ETV1: variants seen among roughly 807,000 people sequenced by gnomAD.
ETV1 encodes the protein ETS variant transcription factor 1.
ETV1 carries 27 observed loss-of-function variants against 62.3 expected under a neutral mutation model. The ratio of observed to expected loss-of-function variants is 0.43; its 90% CI spans 0.32 to 0.60. The LOEUF (loss-of-function observed/expected upper bound fraction) is 0.60, where lower values mean the gene tolerates loss of function less well. ETV1 is among the 20% of genes least tolerant of loss of function. The probability of loss-of-function intolerance (pLI) is 0.06; values close to 1 mark genes in which losing one functional copy is unlikely to be tolerated. For missense variants in ETV1, 605 were observed against 605.8 expected (o/e 1.00, Z 0.01); for synonymous variants, 222 against 199.6 (o/e 1.11, Z -0.94).
intron 12 of ETV1, among the ~76,000 whole-genome samples, chr7:13,904,268 T>A (rs182974459): frequency 1.3e-5 from 2 of 152,350 alleles, no homozygotes; most frequent in Admixed American, 1.3e-4. Flanking sequence ...ACAATTCCCA[T>A]TGAGTTGGTT....
Position 13,896,921 on chromosome 7 carries a change from G to A in ETV1, c.1213-834C>T, listed in dbSNP as rs546850330. 2.6e-5 allele frequency among the ~76,000 whole-genome samples: 4 copies of A among 152,152 alleles called. No homozygotes were observed. The East Asian group carries it at 7.7e-4, about 29-fold the overall frequency. On this transcript the variant is annotated intron_variant, in intron 13 of 13. Coordinates refer to ENST00000430479, the MANE Select transcript of ETV1 (RefSeq NM_004956.5). ...TGTGTAAAGTGTCAAATTGAAGTAA[G>A]AGGTGTAAAAAAGTGAAAGGAATTT...
intron 5 of ETV1, among the ~76,000 whole-genome samples, chr7:13,984,699 A>G (rs1218857396): frequency 6.6e-6 from 1 of 151,972 alleles, no homozygotes; most frequent in Non-Finnish European, 1.5e-5. Flanking sequence ...TAATTCCTGA[A>G]CTTAATTGAA....
intron 9 of ETV1, among the ~76,000 whole-genome samples, chr7:13,919,148 T>C (rs1291834706): frequency 6.6e-6 from 1 of 152,176 alleles, no homozygotes; most frequent in African/African-American, 2.4e-5. Context: ...TTTATAAACA[T>C]AACCATATTT....
At chr7:13,912,837 A>G (rs938881920) in intron 9 of ETV1, among the ~76,000 whole-genome samples, 2 of 152,208 alleles carry the variant, frequency 1.3e-5, no homozygotes, top group Non-Finnish European at 2.9e-5. Context: ...TCCTTAAGTG[A>G]TATCAGTTAA....
intron 6 of ETV1, among the ~76,000 whole-genome samples, chr7:13,947,404 A>C (rs1293642896): frequency 6.6e-6 from 1 of 151,780 alleles, no homozygotes; most frequent in Non-Finnish European, 1.5e-5. Flanking sequence ...AAAAAAAAAA[A>C]AAAACAAACT....
chr7:13,898,201 G>C (rs1782040434), intron 13 of ETV1, among the ~76,000 whole-genome samples: 1 of 152,140 alleles, frequency 6.6e-6, no homozygotes, highest in South Asian at 2.1e-4. Context: ...GCAAAATGCT[G>C]TACATTAAGT....
rs1782750947 is a variant in ETV1, at chr7:13,988,497, C to T, written c.46-324G>A. On this transcript the variant is annotated intron_variant, in intron 3 of 13. Transcript: ENST00000430479. ...ACTTAAAGTTGTTTTTAGGCTGGTT[C>T]AATGCTAGATTAAAACAGTGGGTTT... 3.1e-5 allele frequency: 21 copies of T among 678,648 alleles called. 1 individual carries two copies. In the South Asian group the frequency reaches 4.5e-4, roughly 15 times the overall value. The allele number at this position is 678,648 out of a possible 1,614,324, so 42.0% of individuals were successfully genotyped here. A position where few individuals can be genotyped will look rare whatever the true frequency, so the allele number is the denominator to read the frequency against.
chr7:13,933,292 C>T (rs1583686366), intron 8 of ETV1, among the ~76,000 whole-genome samples: 1 of 152,160 alleles, frequency 6.6e-6, no homozygotes, highest in Non-Finnish European at 1.5e-5. Context: ...ATATCAAACA[C>T]GCATGCTTCT....
At chr7:13,928,857 C>G (rs1193764773) in intron 9 of ETV1, among the ~76,000 whole-genome samples, 2 of 152,106 alleles carry the variant, frequency 1.3e-5, no homozygotes, top group Non-Finnish European at 2.9e-5. Flanking sequence ...ACTCGGGAGG[C>G]TGAGGCAGGA....
chr7:13,904,090 A>G (rs989876402), intron 12 of ETV1, among the ~76,000 whole-genome samples: 4 of 152,224 alleles, frequency 2.6e-5, no homozygotes, highest in African/African-American at 7.2e-5. Flanking sequence ...GGGTGACCAC[A>G]GGTCACAAAG....
At chr7:13,896,154 A>G in intron 13 of ETV1, 67 bp from the exon 14 acceptor site, 1 of 1,386,160 alleles carries the variant, frequency 7.2e-7, no homozygotes, top group East Asian at 2.4e-5. Context: ...CAGGAAGGAA[A>G]AAGCCAAAAA....
chr7:13,929,439 G>C (rs1785827281), intron 9 of ETV1, among the ~76,000 whole-genome samples: 1 of 152,184 alleles, frequency 6.6e-6, no homozygotes, highest in African/African-American at 2.4e-5. Context: ...GTCAAGTTTA[G>C]TAGCTGAGGA....
intron 6 of ETV1, among the ~76,000 whole-genome samples, chr7:13,953,684 A>AG (rs1270241235): frequency 5.3e-5 from 8 of 151,836 alleles, no homozygotes; most frequent in African/African-American, 1.7e-4. Flanking sequence ...AAAAAAAAAA[A>AG]AAAGAAAGAA....
At chr7:13,970,819 G>A (rs965601628) in intron 6 of ETV1, among the ~76,000 whole-genome samples, 9 of 152,014 alleles carry the variant, frequency 5.9e-5, no homozygotes, top group East Asian at 5.8e-4. Context: ...GGACAGGTAC[G>A]TGTTAACACA....
chr7:13,971,035 G>C (rs563758822), intron 6 of ETV1, among the ~76,000 whole-genome samples: 1 of 151,932 alleles, frequency 6.6e-6, no homozygotes, highest in Non-Finnish European at 1.5e-5. Flanking sequence ...GCGATGGCAC[G>C]ATCTTGGCTC....
At chr7:13,901,116 T>C (rs557678903) in intron 12 of ETV1, among the ~76,000 whole-genome samples, 3 of 151,940 alleles carry the variant, frequency 2.0e-5, no homozygotes, top group Non-Finnish European at 4.4e-5. Flanking sequence ...GCAATTCTCC[T>C]GCCTCAGCCT....
intron 6 of ETV1, among the ~76,000 whole-genome samples, chr7:13,965,694 A>C (rs1187088821): frequency 1.3e-5 from 2 of 152,166 alleles, no homozygotes; most frequent in Non-Finnish European, 2.9e-5. Flanking sequence ...TTATTGAGAA[A>C]TGTGTGGTGA....
intron 6 of ETV1, among the ~76,000 whole-genome samples, chr7:13,940,992 C>G (rs542760510): frequency 2.0e-5 from 3 of 152,140 alleles, no homozygotes; most frequent in Non-Finnish European, 4.4e-5. Flanking sequence ...CCTTGGTACA[C>G]TATTTCAAAG....
At chr7:13,908,513 C>T (rs985689754) in intron 11 of ETV1, among the ~76,000 whole-genome samples, 6 of 152,010 alleles carry the variant, frequency 3.9e-5, no homozygotes, top group South Asian at 4.1e-4. Context: ...CTAAATAGTA[C>T]GGCTCACCCC....
Sources: gnomAD v4.1 joint callset for allele counts (sites outside exome capture counted in the v4.1 genomes callset) on GRCh38, gnomAD v4.1.1 for gene constraint, MANE v1.5 for transcripts, NCBI Gene and HGNC (gene_info 2026-07-23, HGNC 2026-07-21) for gene names.